The following ICA1L variants were observed in gnomAD, a reference collection of about 807,000 sequenced individuals.
ICA1L encodes islet cell autoantigen 1-like protein.
In ICA1L, 50 loss-of-function variants were observed where a neutral mutation model predicts 61.3. The ratio of observed to expected loss-of-function variants is 0.82; its 90% CI spans 0.65 to 1.03. The LOEUF is 1.03. ICA1L is among the 50% of genes least tolerant of loss of function. The pLI is 0.00. For synonymous variants in ICA1L, 161 were observed against 191.3 expected, an observed-to-expected ratio of 0.84 and a Z score of 1.31; for missense variants, 508 against 556.7, an observed-to-expected ratio of 0.91 and a Z score of 0.88.
At chr2:202,790,952 T>C (rs756056380) in intron 10 of ICA1L, among the ~76,000 whole-genome samples, 1 of 152,216 alleles carries the variant, frequency 6.6e-6, no homozygotes, top group South Asian at 2.1e-4. Flanking sequence ...TCCTAATCCC[T>C]TTCCAAAGTC....
At chr2:202,832,066 A>G (rs1288175240) in intron 1 of ICA1L, among the ~76,000 whole-genome samples, 1 of 152,198 alleles carries the variant, frequency 6.6e-6, no homozygotes, top group East Asian at 1.9e-4. Flanking sequence ...AAAATCAGCC[A>G]TTGAAAGAGG....
Position 202,773,704 on chromosome 2 carries a change from A to G in ICA1L, c.*5829T>C. The stretch of plus-strand genomic sequence containing the variant: ...GAGCTATCATTAATATATACAGCAT[A>G]TTGACTCTAGTTGCATCAGTTATGC... On this transcript the variant is annotated 3_prime_UTR_variant, in exon 13 of 13. Coordinates refer to ENST00000358299, the MANE Select transcript of ICA1L (RefSeq NM_001288622.3). The G allele has an allele frequency of 3.9e-6, 4 of 1,032,338 alleles. No homozygotes were observed. The highest frequency in any genetic ancestry group is 6.0e-6 in the Non-Finnish European group (4 of 669,542). The allele number at this position is 1,032,338 out of a possible 1,614,324, so 63.9% of individuals were successfully genotyped here. A position where few individuals can be genotyped will look rare whatever the true frequency, so the allele number is the denominator to read the frequency against.
chr2:202,811,591 G>A (rs1693380258), intron 9 of ICA1L, among the ~76,000 whole-genome samples, 155 bp downstream of exon 9: 1 of 150,394 alleles, frequency 6.6e-6, no homozygotes, highest in African/African-American at 2.5e-5. Flanking sequence ...GAACCTGGGA[G>A]GCAGAGCTTG....
intron 1 of ICA1L, among the ~76,000 whole-genome samples, chr2:202,858,752 A>G (rs1694830895): frequency 6.6e-6 from 1 of 152,220 alleles, no homozygotes; most frequent in Non-Finnish European, 1.5e-5. Context: ...GTTTAGATAC[A>G]TAAATACCAT....
chr2:202,830,632 A>G (rs1693992749), intron 1 of ICA1L, among the ~76,000 whole-genome samples: 1 of 152,254 alleles, frequency 6.6e-6, no homozygotes, highest in Non-Finnish European at 1.5e-5. Context: ...TTCCAGGCAC[A>G]TCGATACATG....
intron 1 of ICA1L, among the ~76,000 whole-genome samples, chr2:202,833,714 T>C (rs1367526511): frequency 1.3e-5 from 2 of 152,230 alleles, no homozygotes; most frequent in African/African-American, 4.8e-5. Flanking sequence ...ATGTTATGTA[T>C]ATCACAGCTG....
intron 9 of ICA1L, among the ~76,000 whole-genome samples, chr2:202,803,853 G>T (rs981614280): frequency 5.3e-5 from 8 of 151,978 alleles, no homozygotes; most frequent in African/African-American, 1.9e-4. Flanking sequence ...AAGCCAGAAA[G>T]GGTCACTATA....
At chr2:202,786,752 A>ATTT (rs57934594) in intron 11 of ICA1L, 182 of 424,420 alleles carry the variant, frequency 4.3e-4, no homozygotes, top group African/African-American at 2.9e-3. Flanking sequence ...TACATGCATG[A>ATTT]TTTTTTTTTT....
intron 11 of ICA1L, among the ~76,000 whole-genome samples, chr2:202,786,224 G>A (rs1692574087): frequency 1.3e-5 from 2 of 152,166 alleles, no homozygotes; most frequent in Non-Finnish European, 2.9e-5. Context: ...TTTTCAAAGT[G>A]GTTTTGAAAT....
intron 9 of ICA1L, among the ~76,000 whole-genome samples, chr2:202,808,595 G>A (rs1166694966): frequency 6.6e-6 from 1 of 152,180 alleles, no homozygotes; most frequent in Admixed American, 6.5e-5. Flanking sequence ...AGAGCCCTTG[G>A]GCCTTGAGTG....
chr2:202,840,959 G>C (rs1363452541), intron 1 of ICA1L: 4 of 699,012 alleles, frequency 5.7e-6, no homozygotes, highest in Middle Eastern at 2.5e-4. Flanking sequence ...CCTCAGCCTG[G>C]CTGTGGTTGG....
At chr2:202,847,917 C>A (rs183342464) in intron 1 of ICA1L, among the ~76,000 whole-genome samples, 1 of 152,138 alleles carries the variant, frequency 6.6e-6, no homozygotes, top group East Asian at 1.9e-4. Context: ...AGAACAAAAT[C>A]ATGTCCTTTG....
intron 6 of ICA1L, among the ~76,000 whole-genome samples, chr2:202,816,231 T>C (rs72932770): frequency 0.092 from 14,036 of 152,184 alleles, 772 homozygotes; most frequent in Non-Finnish European, 0.13. Context: ...ACTGTATAAA[T>C]AGCACAGGAA....
At chr2:202,798,970 T>G (rs1693016174) in intron 9 of ICA1L, among the ~76,000 whole-genome samples, 1 of 152,208 alleles carries the variant, frequency 6.6e-6, no homozygotes, top group Non-Finnish European at 1.5e-5. Context: ...TTTTTATGGC[T>G]GAATGGTATT....
At chr2:202,801,832 GA>G (rs1693092749) in intron 9 of ICA1L, among the ~76,000 whole-genome samples, 1 of 152,230 alleles carries the variant, frequency 6.6e-6, no homozygotes, top group Non-Finnish European at 1.5e-5. Flanking sequence ...GGCTCTGGAA[GA>G]GGGTTAAAGT....
At chr2:202,818,520 GGTTTGGCTGTTT>G (rs1436573954) in intron 5 of ICA1L, among the ~76,000 whole-genome samples, 2 of 152,158 alleles carry the variant, frequency 1.3e-5, no homozygotes, top group Non-Finnish European at 2.9e-5. Context: ...TATTTGATGT[GGTTTGGCTGTTT>G]CCCTGCCCAA....
At chr2:202,852,684 A>AG (rs1694662455) in intron 1 of ICA1L, among the ~76,000 whole-genome samples, 1 of 124,782 alleles carries the variant, frequency 8.0e-6, no homozygotes. Context: ...AAAAAAAAAA[A>AG]AAAAAAAAAA....
chr2:202,807,660 A>G (rs1693262120), intron 9 of ICA1L, among the ~76,000 whole-genome samples: 1 of 152,074 alleles, frequency 6.6e-6, no homozygotes, highest in Admixed American at 6.5e-5. Context: ...AAGTGCTTAC[A>G]TCACCCCTCC....
Position 202,819,852 on chromosome 2 carries a change from G to A in ICA1L, c.407C>T (p.Thr136Ile). ...ATCAGATACTGCCCTTTGACTGAAT[G>A]TTGCTACTTCTTGCTTCAGACGAGA... is the stretch of plus-strand genomic sequence containing the variant. Reference protein sequence around the residue: ...PLSRLKQEVATFSQRAVSDTL... With the variant: ...PLSRLKQEVAIFSQRAVSDTL... Residue 136 changes from threonine (T) to isoleucine (I), a missense_variant, in exon 5 of 13, where the codon ACA becomes ATA. Coordinates refer to ENST00000358299, the MANE Select transcript of ICA1L (RefSeq NM_001288622.3). 6.2e-7 allele frequency: 1 copy of A among 1,614,136 alleles called. No individual in the cohort carries two copies. The highest frequency in any genetic ancestry group is 8.5e-7 in the Non-Finnish European group (1 of 1,180,006).
Sources: gnomAD v4.1 joint callset for allele counts (sites outside exome capture counted in the v4.1 genomes callset) on GRCh38, gnomAD v4.1.1 for gene constraint, MANE v1.5 for transcripts, NCBI Gene and HGNC (gene_info 2026-07-23, HGNC 2026-07-21) for gene names.